The following ARID1B variants were observed in gnomAD, a reference collection of about 807,000 sequenced individuals.
ARID1B encodes the protein AT-rich interactive domain-containing protein 1B.
Under a neutral mutation model 212.3 loss-of-function variants are expected in ARID1B, and 30 were observed. That is an observed-to-expected ratio of 0.14 (90% CI 0.11 to 0.19). The LOEUF (loss-of-function observed/expected upper bound fraction) is 0.19, where lower values mean the gene tolerates loss of function less well. Among genes scored for constraint, ARID1B ranks in the 10% least tolerant of loss-of-function variants. ARID1B has a pLI of 1.00. For missense variants in ARID1B, 2,891 were observed against 3,204.0 expected (o/e 0.90, Z 2.36); for synonymous variants, 1,402 against 1,301.7 (o/e 1.08, Z -1.66).
intron 7 of ARID1B, among the ~76,000 whole-genome samples, chr6:157,145,860 G>A (rs1789689205): frequency 6.6e-6 from 1 of 152,118 alleles, no homozygotes; most frequent in Admixed American, 6.5e-5. Context: ...ATAATAATGT[G>A]TACCTCCTAG....
Position 157,207,921 on chromosome 6 carries a change from G to A in ARID1B, c.*30G>A. ...AGTGAGAAGGCAAGCATGTGTGAGT[G>A]AAGATTAGAGGGTCACATATAACTG... On this transcript the variant is annotated 3_prime_UTR_variant, in exon 20 of 20. Coordinates refer to ENST00000636930, the MANE Select transcript of ARID1B (RefSeq NM_001374828.1). This position sits in a 1 kb window ranked among gnomAD's most constrained non-coding sequence, Gnocchi z 8.5. 2 of 1,461,878 alleles carry A rather than the reference G, an allele frequency of 1.4e-6. No homozygotes were observed. 90.6% of individuals were successfully genotyped at this position (1,461,878 alleles called of 1,614,324 possible).
At chr6:156,883,903 C>T (rs1583211034) in intron 2 of ARID1B, among the ~76,000 whole-genome samples, 1 of 152,196 alleles carries the variant, frequency 6.6e-6, no homozygotes, top group Non-Finnish European at 1.5e-5. Flanking sequence ...TTTGTATCAA[C>T]AACAGCTGTA....
At chr6:156,894,306 C>CG (rs1167132030) in intron 2 of ARID1B, among the ~76,000 whole-genome samples, 248 of 23,376 alleles carry the variant, frequency 0.011, no homozygotes, top group Non-Finnish European at 0.013. Flanking sequence ...GGATGGGGGC[C>CG]GGGGGTTGGG....
At chr6:157,142,434 C>A (rs149650609) in intron 7 of ARID1B, among the ~76,000 whole-genome samples, 1 of 152,006 alleles carries the variant, frequency 6.6e-6, no homozygotes, top group Non-Finnish European at 1.5e-5. Flanking sequence ...GAGACTAGCC[C>A]GGGCAACATG....
intron 1 of ARID1B, among the ~76,000 whole-genome samples, chr6:156,810,349 A>C (rs564712021): frequency 6.6e-6 from 1 of 152,318 alleles, no homozygotes; most frequent in African/African-American, 2.4e-5. Flanking sequence ...GCCATTTACC[A>C]AAGATCCACC....
intron 4 of ARID1B, among the ~76,000 whole-genome samples, chr6:156,967,942 G>T (rs1794885857): frequency 6.6e-6 from 1 of 152,194 alleles, no homozygotes; most frequent in Non-Finnish European, 1.5e-5. Context: ...TATATGCAAA[G>T]TTCAGATTTG....
At chr6:157,004,904 T>TTTTTTTTTTG (rs1562542309) in intron 4 of ARID1B, among the ~76,000 whole-genome samples, 2 of 32,098 alleles carry the variant, frequency 6.2e-5, no homozygotes, top group Admixed American at 3.0e-4. Flanking sequence ...TTTCTTTTTT[T>TTTTTTTTTTG]TTTTTTTTTT....
chr6:156,905,246 G>GCATGCACA (rs1554265907), intron 3 of ARID1B, among the ~76,000 whole-genome samples: 5 of 76,004 alleles, frequency 6.6e-5, no homozygotes, highest in African/African-American at 4.1e-4. Context: ...GCTCACATAT[G>GCATGCACA]CACGCACACA....
rs556236071 is a variant in ARID1B, at chr6:157,043,686, G to A, written c.2248-40976G>A. On this transcript the variant is annotated intron_variant, in intron 4 of 19. Coordinates refer to ENST00000636930, the MANE Select transcript of ARID1B (RefSeq NM_001374828.1). ...TAACATATCACTACTGTGTTCTTCT[G>A]TATTCTGGGATTTCCTTGCCGATTC... Among the ~76,000 whole-genome samples the A allele has an allele frequency of 1.4e-3, 212 of 152,274 alleles. 1 individual carries two copies. The highest frequency in any genetic ancestry group is 1.3e-3 in the Non-Finnish European group (86 of 68,016).
At chr6:156,917,307 T>C (rs573635194) in intron 3 of ARID1B, among the ~76,000 whole-genome samples, 1 of 152,324 alleles carries the variant, frequency 6.6e-6, no homozygotes, top group Admixed American at 6.5e-5. Flanking sequence ...TCAGGGTCTG[T>C]TGGACAAGCA....
chr6:157,144,370 G>T (rs901307352), intron 7 of ARID1B, among the ~76,000 whole-genome samples: 2 of 152,140 alleles, frequency 1.3e-5, no homozygotes, highest in Non-Finnish European at 2.9e-5. Context: ...TAAAGCAAAG[G>T]GCACATAAGT....
At chr6:156,845,643 A>G (rs1784183120) in intron 2 of ARID1B, among the ~76,000 whole-genome samples, 1 of 152,008 alleles carries the variant, frequency 6.6e-6, no homozygotes, top group Admixed American at 6.6e-5. Flanking sequence ...CTCTCTGGAG[A>G]CTTTAGAAAC....
rs1373482732 is a variant in ARID1B at position 156,795,210 on chromosome 6, C to T, written c.1791+15739C>T. Among the ~76,000 whole-genome samples, 4 of 152,076 alleles carry T rather than the reference C, an allele frequency of 2.6e-5. No individual in the cohort carries two copies. The East Asian group carries it at 7.7e-4, about 29-fold the overall frequency. On this transcript the variant is annotated intron_variant, in intron 1 of 19. Transcript: ENST00000636930. ...GCCTGGGAAGGAGTAAGGCAGCACA[C>T]GGTGGCTGTTAGGTCATTTGTGTTG...
At chr6:156,846,177 CAG>C (rs1396067780) in intron 2 of ARID1B, among the ~76,000 whole-genome samples, 13 of 139,162 alleles carry the variant, frequency 9.3e-5, no homozygotes, top group African/African-American at 3.5e-4. Context: ...GTTTTTGAGA[CAG>C]AGTCTCACTC....
At chr6:157,080,579 C>T (rs564192195) in intron 4 of ARID1B, among the ~76,000 whole-genome samples, 3 of 152,198 alleles carry the variant, frequency 2.0e-5, no homozygotes, top group Non-Finnish European at 4.4e-5. Context: ...TTCCTTCTGA[C>T]GCTGCCCTCC....
At chr6:156,963,891 G>A (rs1244580137) in intron 4 of ARID1B, among the ~76,000 whole-genome samples, 5 of 152,218 alleles carry the variant, frequency 3.3e-5, no homozygotes, top group African/African-American at 1.2e-4. Context: ...CTATGCCCAC[G>A]TGGCTTAAGT....
At chr6:157,090,052 T>A (rs542957959) in intron 5 of ARID1B, among the ~76,000 whole-genome samples, 2 of 152,356 alleles carry the variant, frequency 1.3e-5, no homozygotes, top group South Asian at 4.1e-4. Context: ...GCACCGCTGT[T>A]GCCAGAAGAT....
chr6:156,911,041 A>G (rs886784087), intron 3 of ARID1B, among the ~76,000 whole-genome samples: 16 of 152,260 alleles, frequency 1.1e-4, no homozygotes, highest in African/African-American at 3.9e-4. Flanking sequence ...GACTTGTGAA[A>G]TAGATGCTTG....
chr6:157,204,014 A>G lies in ARID1B; in HGVS notation c.5394+18A>G. The G allele has an allele frequency of 6.2e-7, 1 of 1,613,754 alleles. No individual in the cohort carries two copies. The highest frequency in any genetic ancestry group is 8.5e-7 in the Non-Finnish European group (1 of 1,179,736). On this transcript the variant is annotated intron_variant, in intron 19 of 19. Coordinates refer to ENST00000636930, the MANE Select transcript of ARID1B (RefSeq NM_001374828.1). ...TCTCCCAGGTAAGCCAGCATAGTCC[A>G]ACTAACAACCAAATTAGGATAGGAG... is the stretch of plus-strand genomic sequence containing the variant.
Sources: gnomAD v4.1 joint callset for allele counts (sites outside exome capture counted in the v4.1 genomes callset) on GRCh38, gnomAD v4.1.1 for gene constraint, Gnocchi (gnomAD v3.1) non-coding constraint, MANE v1.5 for transcripts, NCBI Gene and HGNC (gene_info 2026-07-23, HGNC 2026-07-21) for gene names.